Variants in SMYD3 observed in about 807,000 individuals in gnomAD.
SMYD3 encodes histone-lysine N-methyltransferase SMYD3.
A neutral mutation model predicts 57.7 loss-of-function variants in SMYD3; 36 were observed. The ratio of observed to expected loss-of-function variants is 0.62; its 90% confidence interval spans 0.48 to 0.82. SMYD3 has a LOEUF of 0.82. Among genes scored for constraint, SMYD3 ranks in the 40% least tolerant of loss-of-function variants. SMYD3 has a pLI of 0.00. For missense variants in SMYD3, 515 were observed against 538.8 expected (o/e 0.96, Z 0.44); for synonymous variants, 211 against 195.0 (o/e 1.08, Z -0.68).
chr1:246,350,185 C>A (rs1331688960), intron 2 of SMYD3, among the ~76,000 whole-genome samples: 1 of 152,214 alleles, frequency 6.6e-6, no homozygotes, highest in Non-Finnish European at 1.5e-5. Context: ...CACCTACTCA[C>A]AGGTGAGTTT....
At chr1:246,187,158 G>A (rs1558299258) in intron 5 of SMYD3, among the ~76,000 whole-genome samples, 2 of 152,080 alleles carry the variant, frequency 1.3e-5, no homozygotes, top group Admixed American at 1.3e-4. Context: ...GTGCGGTGGC[G>A]CACGCCTATA....
chr1:246,051,734 G>A (rs1159115382), intron 5 of SMYD3, among the ~76,000 whole-genome samples: 1 of 151,634 alleles, frequency 6.6e-6, no homozygotes, highest in Non-Finnish European at 1.5e-5. Context: ...TTTCCCATAT[G>A]TATCAGAATG....
intron 1 of SMYD3, 65 bp downstream of exon 1, chr1:246,506,989 G>GCGCCCCCCC: frequency 1.5e-6 from 1 of 649,324 alleles, no homozygotes; most frequent in South Asian, 2.4e-5. Flanking sequence ...GCCGCCCGAC[G>GCGCCCCCCC]CCCCCCCCTC....
In SMYD3 at chr1:245,885,899, CCT is replaced by C. The variant is rs545329652; in HGVS notation, c.814-22015_814-22014del. Among the ~76,000 whole-genome samples the C allele has an allele frequency of 1.4e-4, 21 of 152,210 alleles. No individual in the cohort carries two copies. The South Asian group carries it at 3.1e-3, about 23-fold the overall frequency. On this transcript the variant is annotated intron_variant, in intron 8 of 11. Transcript: ENST00000490107. ...GTCAAACTAAGGTAATTTTCCTCAT[CCT>C]CTGAGGCTGCTTGTTACTCCCATTG...
chr1:245,985,986 A>C (rs2148091162), intron 5 of SMYD3, among the ~76,000 whole-genome samples: 1 of 152,276 alleles, frequency 6.6e-6, no homozygotes, highest in South Asian at 2.1e-4. Context: ...CCTGGCTCAA[A>C]ATAGGAGCCC....
At chr1:245,899,596 A>G (rs1400445541) in intron 8 of SMYD3, among the ~76,000 whole-genome samples, 1 of 152,232 alleles carries the variant, frequency 6.6e-6, no homozygotes, top group Non-Finnish European at 1.5e-5. Flanking sequence ...TACTGTTTTC[A>G]TGACACCATT....
chr1:245,813,005 CTTTTTT>C lies in SMYD3; in HGVS notation c.1076+45485_1076+45490del, dbSNP rs770448717. On this transcript the variant is annotated intron_variant, in intron 10 of 11. Transcript: ENST00000490107. ...TGGAGCCATGGTCATGAGACAGCTT[CTTTTTT>C]TTTTTTTTTTTTTTTTTTTTTGAGA... 9.9e-3 allele frequency among the ~76,000 whole-genome samples: 750 copies of C among 75,588 alleles called. 8 individuals are homozygous for C. The highest frequency in any genetic ancestry group is 0.034 in the African/African-American group (673 of 19,696). The allele number at this position is 75,588 out of a possible 152,430, so 49.6% of individuals were successfully genotyped here.
chr1:246,008,621 G>T (rs1281971259), intron 5 of SMYD3, among the ~76,000 whole-genome samples: 3 of 152,170 alleles, frequency 2.0e-5, no homozygotes, highest in Non-Finnish European at 4.4e-5. Flanking sequence ...CCGTACCTCT[G>T]AAGTTTTCCT....
intron 5 of SMYD3, among the ~76,000 whole-genome samples, chr1:245,934,030 A>T (rs1036484185): frequency 1.3e-5 from 2 of 152,282 alleles, no homozygotes; most frequent in African/African-American, 4.8e-5. Context: ...TTTAAAACAC[A>T]TTTAAAAAGA....
chr1:246,489,715 CTG>C (rs2068240369), intron 1 of SMYD3, among the ~76,000 whole-genome samples: 1 of 152,160 alleles, frequency 6.6e-6, no homozygotes, highest in Admixed American at 6.5e-5. Flanking sequence ...TTATAAATAA[CTG>C]TTTAAATATT....
chr1:245,828,221 T>C (rs141113978), intron 10 of SMYD3, among the ~76,000 whole-genome samples: 2 of 152,292 alleles, frequency 1.3e-5, no homozygotes, highest in African/African-American at 4.8e-5. Context: ...AATGCAATTC[T>C]CTCCAGAGTA....
chr1:246,370,224 G>A (rs1404205623), intron 1 of SMYD3, among the ~76,000 whole-genome samples: 1 of 152,236 alleles, frequency 6.6e-6, no homozygotes. Context: ...GTGGATGACA[G>A]TGGAGAGGGT....
intron 10 of SMYD3, among the ~76,000 whole-genome samples, chr1:245,809,883 T>A (rs759619431): frequency 6.6e-6 from 1 of 152,208 alleles, no homozygotes; most frequent in Non-Finnish European, 1.5e-5. Flanking sequence ...CTGTACTGAG[T>A]CTTCATCATA....
At chr1:246,292,272 C>T (rs1338756886) in intron 5 of SMYD3, among the ~76,000 whole-genome samples, 1 of 151,856 alleles carries the variant, frequency 6.6e-6, no homozygotes, top group African/African-American at 2.4e-5. Context: ...ACTTACTATC[C>T]AACACACCAG....
At chr1:245,888,023 G>C (rs752136555) in intron 8 of SMYD3, among the ~76,000 whole-genome samples, 38 of 152,304 alleles carry the variant, frequency 2.5e-4, no homozygotes, top group Admixed American at 1.0e-3. Context: ...TTTCCAGAGA[G>C]TTAATGTTCA....
intron 2 of SMYD3, among the ~76,000 whole-genome samples, chr1:246,346,172 T>C (rs551293481): frequency 6.6e-6 from 1 of 152,158 alleles, no homozygotes; most frequent in Admixed American, 6.5e-5. Context: ...TAGTCCCAGC[T>C]CCTCGGGAGG....
chr1:246,387,741 G>A (rs1006656929), intron 1 of SMYD3, among the ~76,000 whole-genome samples: 21 of 152,130 alleles, frequency 1.4e-4, no homozygotes, highest in Non-Finnish European at 2.6e-4. Context: ...TCAGTAATTT[G>A]TTACTATATA....
intron 1 of SMYD3, among the ~76,000 whole-genome samples, chr1:246,383,850 T>C (rs190103623): frequency 7.2e-5 from 11 of 152,356 alleles, no homozygotes; most frequent in Admixed American, 2.0e-4. Context: ...TCTCCTGCCA[T>C]GTTAAATATA....
At chr1:245,805,148 G>A (rs1445044758) in intron 10 of SMYD3, among the ~76,000 whole-genome samples, 11 of 148,104 alleles carry the variant, frequency 7.4e-5, no homozygotes, top group South Asian at 2.1e-4. Context: ...TTCCTGGTAA[G>A]TGAGAATGAA....
Sources: gnomAD v4.1 joint callset for allele counts (sites outside exome capture counted in the v4.1 genomes callset) on GRCh38, gnomAD v4.1.1 for gene constraint, MANE v1.5 for transcripts, NCBI Gene and HGNC (gene_info 2026-07-23, HGNC 2026-07-21) for gene names.